Variants in TENM1 observed in about 807,000 individuals in gnomAD.
TENM1 encodes teneurin transmembrane protein 1, also known as teneurin-1.
A neutral mutation model predicts 174.8 loss-of-function variants in TENM1; 35 were observed. The observed-to-expected ratio is 0.20, with a 90% CI of 0.15 to 0.27. The LOEUF is 0.27. TENM1 is among the 10% of genes least tolerant of loss of function. TENM1 has a pLI of 1.00. For missense variants in TENM1, 1,633 were observed against 2,130.1 expected, an observed-to-expected ratio of 0.77 and a Z score of 4.59; for synonymous variants, 781 against 798.7, an observed-to-expected ratio of 0.98 and a Z score of 0.37.
chrX:124,924,320 T>C (rs1244425520), intron 1 of TENM1, among the ~76,000 whole-genome samples: 5 of 111,981 alleles, frequency 4.5e-5, no homozygotes, highest in African/African-American at 9.7e-5. Flanking sequence ...AACTGTCTTT[T>C]AAATTTATAA....
the TENM1 span, among the ~76,000 whole-genome samples, chrX:125,089,693 G>A: frequency 3.6e-5 from 4 of 111,721 alleles, no homozygotes; most frequent in African/African-American, 6.5e-5. Context: ...CCAAGTGGGA[G>A]GAGACTAAGA....
Position 124,623,964 on chromosome X carries a change from T to C in TENM1, c.2077+17827A>G, listed in dbSNP as rs149563449. Among the ~76,000 whole-genome samples, 158 of 111,939 alleles carry C rather than the reference T, an allele frequency of 1.4e-3. 1 individual carries two copies. The highest frequency in any genetic ancestry group is 2.4e-3 in the Non-Finnish European group (126 of 53,185). The stretch of plus-strand genomic sequence containing the variant: ...TGATATAACATTTTCCTTTTGTTGG[T>C]TAAAACATGCTGCTCTAGAAGGTAG... On this transcript the variant is annotated intron_variant, in intron 11 of 31. Coordinates refer to ENST00000422452, the Ensembl canonical transcript of TENM1.
Position 124,710,923 on chromosome X carries a change from C to A in TENM1, c.777-5672G>T, listed in dbSNP as rs190922204. On this transcript the variant is annotated intron_variant, in intron 4 of 31. Coordinates refer to ENST00000422452, the Ensembl canonical transcript of TENM1. The stretch of plus-strand genomic sequence containing the variant: ...TCATAGTCCCTGAAAGAAGCAGGAG[C>A]AGAAAGACAAATGCTCAGTGCTAGA... Among the ~76,000 whole-genome samples, 641 of 112,097 alleles carry A rather than the reference C, an allele frequency of 5.7e-3. 3 individuals carry two copies. The highest frequency in any genetic ancestry group is 0.019 in the African/African-American group (582 of 30,869).
chrX:125,091,471 A>G, the TENM1 span, among the ~76,000 whole-genome samples: 1 of 111,790 alleles, frequency 8.9e-6, no homozygotes, highest in Non-Finnish European at 1.9e-5. Flanking sequence ...ATTGCAGCAT[A>G]GCCAACTAAC....
intron 11 of TENM1, among the ~76,000 whole-genome samples, chrX:124,627,754 G>A (rs113009918): frequency 4.5e-4 from 50 of 111,834 alleles, no homozygotes; most frequent in African/African-American, 1.6e-3. Context: ...CTTCTGGCTG[G>A]CTGGACCCAG....
At chrX:124,994,960 A>G in the TENM1 span, among the ~76,000 whole-genome samples, 1 of 111,121 alleles carries the variant, frequency 9.0e-6, no homozygotes, top group Non-Finnish European at 1.9e-5. Flanking sequence ...TAAAGGCCCT[A>G]TACAATCTAG....
the TENM1 span, among the ~76,000 whole-genome samples, chrX:125,176,918 C>T: frequency 1.8e-5 from 2 of 111,710 alleles, no homozygotes; most frequent in African/African-American, 6.5e-5. Flanking sequence ...CTGGCACTCA[C>T]ATTTTCCAGT....
At chrX:124,760,235 C>T (rs1252077230) in intron 3 of TENM1, among the ~76,000 whole-genome samples, 1 of 111,471 alleles carries the variant, frequency 9.0e-6, no homozygotes, top group East Asian at 2.8e-4. Flanking sequence ...CACTCCTCAC[C>T]CTTCTATGTG....
intron 3 of TENM1, among the ~76,000 whole-genome samples, chrX:124,840,064 C>A (rs1410138410): frequency 9.0e-6 from 1 of 111,648 alleles, no homozygotes; most frequent in Non-Finnish European, 1.9e-5. Context: ...ATAATATTGA[C>A]CACCAAATAT....
intron 19 of TENM1, among the ~76,000 whole-genome samples, chrX:124,499,047 G>C (rs1569534896): frequency 9.0e-6 from 1 of 111,666 alleles, no homozygotes; most frequent in Admixed American, 9.5e-5. Flanking sequence ...AGTGAGCCAG[G>C]GCAGGTGAAA....
intron 3 of TENM1, among the ~76,000 whole-genome samples, chrX:124,877,781 C>A (rs1316637847): frequency 9.0e-6 from 1 of 111,245 alleles, no homozygotes. Context: ...ATTTTTGACT[C>A]CCCAAAAACA....
intron 1 of TENM1, among the ~76,000 whole-genome samples, chrX:124,915,242 C>G (rs1027522004): frequency 3.6e-5 from 4 of 112,208 alleles, no homozygotes; most frequent in African/African-American, 1.3e-4. Context: ...TGTAAATTCT[C>G]GGCTGGATGT....
At chrX:125,203,543 C>A in the TENM1 span, among the ~76,000 whole-genome samples, 1 of 112,429 alleles carries the variant, frequency 8.9e-6, no homozygotes, top group Non-Finnish European at 1.9e-5. Context: ...GCTTGAACTG[C>A]GAACAAGGCC....
At chrX:124,441,395 T>C (rs2060900859) in intron 23 of TENM1, among the ~76,000 whole-genome samples, 1 of 112,720 alleles carries the variant, frequency 8.9e-6, no homozygotes, top group Non-Finnish European at 1.9e-5. Flanking sequence ...CATCACTTTC[T>C]GATTTAAATA....
chrX:124,825,222 G>C (rs1039846845), intron 3 of TENM1, among the ~76,000 whole-genome samples: 3 of 96,947 alleles, frequency 3.1e-5, no homozygotes, highest in African/African-American at 1.2e-4. Flanking sequence ...GAGTGCAGTG[G>C]TAAGATCTGC....
chrX:125,130,204 A>G, the TENM1 span, among the ~76,000 whole-genome samples: 2 of 111,476 alleles, frequency 1.8e-5, no homozygotes, highest in African/African-American at 6.5e-5. Flanking sequence ...TCTCTTTACC[A>G]TGCTACAACC....
Position 124,405,311 on chromosome X carries a change from G to A in TENM1, c.5156-45C>T, listed in dbSNP as rs200616150. ...GGAGGAAGAGGGGGAAGGAAGGGAAGAGCAGGAAGCAGAAAAGAGACAGGT... is the reference window on the plus strand; with the variant it reads ...GGAGGAAGAGGGGGAAGGAAGGGAAAAGCAGGAAGCAGAAAAGAGACAGGT... On this transcript the variant is annotated intron_variant, in intron 26 of 31. Transcript: ENST00000422452. 62 of 1,076,393 alleles carry A rather than the reference G, an allele frequency of 5.8e-5. No homozygotes were observed. In the African/African-American group the frequency reaches 1.1e-3, roughly 19 times the overall value. The allele number at this position is 1,076,393 out of a possible 1,213,427, so 88.7% of individuals were successfully genotyped here.
At chrX:124,834,165 T>C (rs1261909042) in intron 3 of TENM1, among the ~76,000 whole-genome samples, 1 of 111,812 alleles carries the variant, frequency 8.9e-6, no homozygotes, top group Non-Finnish European at 1.9e-5. Flanking sequence ...TAGTGTATTT[T>C]ATGTTATTAA....
rs1183109299 is a variant in TENM1 at position 124,561,124 on chromosome X, G to A, written c.2434+547C>T. 3.6e-5 allele frequency among the ~76,000 whole-genome samples: 4 copies of A among 112,375 alleles called. No individual in the cohort carries two copies. The Admixed American group carries it at 3.8e-4, about 11-fold the overall frequency. ...CTAAAAGGTAGACACACAAGAGGGAGTTCCAAATAACTAACAACAAAGAAA... is the reference window on the plus strand; with the variant it reads ...CTAAAAGGTAGACACACAAGAGGGAATTCCAAATAACTAACAACAAAGAAA... On this transcript the variant is annotated intron_variant, in intron 14 of 31. Coordinates refer to ENST00000422452, the Ensembl canonical transcript of TENM1.
Sources: allele counts gnomAD v4.1 joint callset (sites outside exome capture counted in the v4.1 genomes callset), GRCh38; gene constraint gnomAD v4.1.1; transcripts MANE v1.5; gene names NCBI Gene and HGNC (gene_info 2026-07-23, HGNC 2026-07-21).